IRAK3: variants seen among roughly 807,000 people sequenced by gnomAD.
The protein encoded by IRAK3 is interleukin-1 receptor-associated kinase 3.
A neutral mutation model predicts 56.6 loss-of-function variants in IRAK3; 57 were observed. That is an observed-to-expected ratio of 1.01 (90% CI 0.81 to 1.26). The LOEUF (loss-of-function observed/expected upper bound fraction) is 1.26. Ranked by LOEUF, IRAK3 falls within the 50% of genes most tolerant of loss-of-function variation. The pLI is 0.00. For missense variants in IRAK3, 703 were observed against 719.0 expected (o/e 0.98, Z 0.25); for synonymous variants, 258 against 255.7 (o/e 1.01, Z -0.09).
At chr12:66,245,339 T>A in intron 11 of IRAK3, 77 bp downstream of exon 11, 1 of 1,432,188 alleles carries the variant, frequency 7.0e-7, no homozygotes, top group Non-Finnish European at 9.8e-7. Flanking sequence ...ATTGTGTATC[T>A]AAGTGAATTA....
At chr12:66,237,458 C>G (rs1224889838) in intron 8 of IRAK3, among the ~76,000 whole-genome samples, 3 of 152,136 alleles carry the variant, frequency 2.0e-5, no homozygotes, top group Non-Finnish European at 4.4e-5. Context: ...GAGATAAAAG[C>G]TCATTTCATT....
At chr12:66,214,694 A>T (rs557697826) in intron 5 of IRAK3, among the ~76,000 whole-genome samples, 8 of 152,294 alleles carry the variant, frequency 5.3e-5, no homozygotes, top group Admixed American at 2.0e-4. Flanking sequence ...GGAGCTTTTT[A>T]AAAAAATGAG....
intron 1 of IRAK3, among the ~76,000 whole-genome samples, chr12:66,201,576 C>T (rs932604462): frequency 6.6e-6 from 1 of 152,154 alleles, no homozygotes; most frequent in East Asian, 1.9e-4. Flanking sequence ...TCTTTCTCCC[C>T]GCTTTGCCTC....
At chr12:66,205,244 A>C (rs528094153) in intron 2 of IRAK3, among the ~76,000 whole-genome samples, 3 of 152,340 alleles carry the variant, frequency 2.0e-5, no homozygotes, top group African/African-American at 7.2e-5. Context: ...AGCAGAGAAT[A>C]ATGTGGACTG....
chr12:66,198,604 G>A (rs928758528), intron 1 of IRAK3, among the ~76,000 whole-genome samples: 3 of 152,046 alleles, frequency 2.0e-5, no homozygotes, highest in African/African-American at 7.2e-5. Context: ...TTATCCCAAA[G>A]TTTCAAAGGG....
At position 66,228,333 on chromosome 12, in the gene IRAK3, G is replaced by C. The variant is rs546694664; in HGVS notation, c.850G>C (p.Val284Leu). The C allele has an allele frequency of 1.2e-6, 2 of 1,613,966 alleles. No homozygotes were observed. The highest frequency in any genetic ancestry group is 1.6e-4 in the Middle Eastern group (1 of 6,062). Residue 284 changes from valine (V) to leucine (L), a missense_variant, in exon 8 of 12, where the codon GTT becomes CTT. Transcript: ENST00000261233. ...ISKAIHYLHNVQPCSVICGSI... is the reference protein window; with the variant it reads ...ISKAIHYLHNLQPCSVICGSI... ...CAAAGCCATTCACTACCTGCACAAC[G>C]TTCAACCATGCTCGGTCATCTGTGG...
chr12:66,226,770 C>T lies in IRAK3; in HGVS notation c.701C>T (p.Thr234Ile), dbSNP rs779493715. Residue 234 changes from threonine to isoleucine, a missense_variant, in exon 7 of 12, where the codon ACT becomes ATT. Coordinates refer to ENST00000261233, the MANE Select transcript of IRAK3 (RefSeq NM_007199.3). Reference protein sequence around the residue: ...ILELAAYFTETEKFCLIYPYM... With the variant: ...ILELAAYFTEIEKFCLIYPYM... ...GAGTTGGCTGCATATTTTACAGAGACTGAGAAGTTCTGTCTGATTTATCCA... is the reference window on the plus strand; with the variant it reads ...GAGTTGGCTGCATATTTTACAGAGATTGAGAAGTTCTGTCTGATTTATCCA... The T allele has an allele frequency of 9.3e-6, 15 of 1,611,288 alleles. No individual in the cohort carries two copies. The highest frequency in any genetic ancestry group is 1.6e-4 in the Middle Eastern group (1 of 6,080).
chr12:66,221,214 A>AT (rs1317393736), intron 6 of IRAK3, among the ~76,000 whole-genome samples: 2 of 151,884 alleles, frequency 1.3e-5, no homozygotes, highest in African/African-American at 4.8e-5. Flanking sequence ...TTATATGTTG[A>AT]TTTTGTATTA....
intron 8 of IRAK3, among the ~76,000 whole-genome samples, chr12:66,228,946 A>G (rs1316512707): frequency 6.6e-6 from 1 of 152,230 alleles, no homozygotes; most frequent in Non-Finnish European, 1.5e-5. Context: ...TCGACTTACC[A>G]TGGGTTTGTC....
At chr12:66,228,470 G>A in intron 8 of IRAK3, 100 bp downstream of exon 8, 1 of 828,782 alleles carries the variant, frequency 1.2e-6, no homozygotes. Flanking sequence ...CTCCTGGTAT[G>A]TATGTGTGTG....
intron 3 of IRAK3, 43 bp downstream of exon 3, chr12:66,209,563 C>T (rs1190043050): frequency 1.7e-6 from 2 of 1,182,560 alleles, no homozygotes; most frequent in Non-Finnish European, 2.5e-6. Context: ...AACTTTGTTG[C>T]ATGTATAATT....
intron 1 of IRAK3, among the ~76,000 whole-genome samples, chr12:66,194,363 T>C (rs1009025416): frequency 7.2e-5 from 11 of 152,134 alleles, no homozygotes; most frequent in Non-Finnish European, 1.3e-4. Context: ...TCCTCCATTT[T>C]TCCTTGAACC....
intron 1 of IRAK3, among the ~76,000 whole-genome samples, chr12:66,196,410 A>G (rs2052453644): frequency 6.6e-6 from 1 of 152,222 alleles, no homozygotes; most frequent in Non-Finnish European, 1.5e-5. Flanking sequence ...CAACAGACCT[A>G]TAAAAGTTTA....
chr12:66,247,261 C>T (rs1055401056), intron 11 of IRAK3, among the ~76,000 whole-genome samples: 7 of 67,882 alleles, frequency 1.0e-4, no homozygotes, highest in Admixed American at 4.1e-4. Flanking sequence ...CAGAGTGAGA[C>T]TCCATCTCAA....
At chr12:66,242,998 A>C (rs182240544) in intron 8 of IRAK3, among the ~76,000 whole-genome samples, 6 of 152,036 alleles carry the variant, frequency 3.9e-5, no homozygotes, top group Admixed American at 2.0e-4. Flanking sequence ...CCCGGGAGGC[A>C]GAGGTTGCAG....
chr12:66,235,171 G>A (rs998664648), intron 8 of IRAK3: 14 of 1,613,796 alleles, frequency 8.7e-6, no homozygotes, highest in Non-Finnish European at 1.1e-5. Context: ...TACTGCTGGT[G>A]GTGCTGGGAC....
chr12:66,231,824 G>A (rs1372173886), intron 8 of IRAK3, among the ~76,000 whole-genome samples: 1 of 152,222 alleles, frequency 6.6e-6, no homozygotes, highest in African/African-American at 2.4e-5. Context: ...GGTGAGCAGG[G>A]GATGGAATGC....
intron 1 of IRAK3, among the ~76,000 whole-genome samples, chr12:66,195,846 G>A (rs1048957344): frequency 2.4e-4 from 37 of 152,122 alleles, no homozygotes; most frequent in Non-Finnish European, 4.1e-4. Flanking sequence ...TAGTAGAGAC[G>A]GGGTTTAACT....
At chr12:66,247,673 C>G (rs2053048881) in intron 11 of IRAK3, 22 bp from the exon 12 acceptor site, 1 of 1,387,420 alleles carries the variant, frequency 7.2e-7, no homozygotes. Flanking sequence ...AATTTAATGT[C>G]TGTTTGCTTC....
Sources: allele counts gnomAD v4.1 joint callset (sites outside exome capture counted in the v4.1 genomes callset), GRCh38; gene constraint gnomAD v4.1.1; transcripts MANE v1.5; gene names NCBI Gene and HGNC (gene_info 2026-07-23, HGNC 2026-07-21).